Variants in PFKFB3 observed in about 807,000 individuals in gnomAD.
PFKFB3 encodes the protein 6-phosphofructo-2-kinase/fructose-2,6-bisphosphatase 3.
Under a neutral mutation model 68.0 loss-of-function variants are expected in PFKFB3, and 33 were observed. The observed-to-expected ratio is 0.49, with a 90% confidence interval of 0.37 to 0.65. The LOEUF is 0.65. Among genes scored for constraint, PFKFB3 ranks in the 30% least tolerant of loss-of-function variants. The probability of loss-of-function intolerance (pLI) is 0.00; values close to 1 mark genes in which losing one functional copy is unlikely to be tolerated. For synonymous variants in PFKFB3, 315 were observed against 288.2 expected (o/e 1.09, Z -0.94); for missense variants, 586 against 712.2 (o/e 0.82, Z 2.02).
chr10:6,233,483 G>A lies in PFKFB3; in HGVS notation c.*541G>A, dbSNP rs41291287. The A allele has an allele frequency of 6.5e-6, 1 of 152,688 alleles. No individual in the cohort carries two copies. The highest frequency in any genetic ancestry group is 1.5e-5 in the Non-Finnish European group (1 of 68,304). The allele number at this position is 152,688 out of a possible 1,614,324, so 9.5% of individuals were successfully genotyped here. A position where few individuals can be genotyped will look rare whatever the true frequency, so the allele number is the denominator to read the frequency against. On this transcript the variant is annotated 3_prime_UTR_variant, in exon 15 of 15. Transcript: ENST00000379775. ...GAACTTGGACAGGTGTTGGGTTGAG[G>A]CCTCTTCTGCAGGAAGTCCCTGAGC... is the stretch of plus-strand genomic sequence containing the variant.
intron 8 of PFKFB3, 109 bp from the exon 9 acceptor site, chr10:6,221,272 C>T (rs1402449321): frequency 1.9e-5 from 26 of 1,353,730 alleles, no homozygotes; most frequent in Admixed American, 2.3e-5. Context: ...GGGGCCCCCA[C>T]GGTGTAACCA....
chr10:6,150,860 A>G (rs1352378781), intron 1 of PFKFB3, among the ~76,000 whole-genome samples: 1 of 151,972 alleles, frequency 6.6e-6, no homozygotes, highest in African/African-American at 2.4e-5. Flanking sequence ...TTAGCCAGGT[A>G]TGGTGGCGGG....
chr10:6,224,035 C>G lies in PFKFB3; in HGVS notation c.1276+15C>G, dbSNP rs764067144. Reference sequence around the variant, plus strand: ...TGTCGCTTATGGTGAGTAGCAACCCCTGCCAAGCCCTGTCCCCCTGAAGGT... The same window carrying G: ...TGTCGCTTATGGTGAGTAGCAACCCGTGCCAAGCCCTGTCCCCCTGAAGGT... On this transcript the variant is annotated intron_variant, in intron 12 of 14. Transcript: ENST00000379775. 18 of 1,613,920 alleles carry G rather than the reference C, an allele frequency of 1.1e-5. No individual in the cohort carries two copies. In the East Asian group the frequency reaches 3.8e-4, roughly 34 times the overall value.
intron 1 of PFKFB3, among the ~76,000 whole-genome samples, chr10:6,179,716 G>A (rs1202453648): frequency 6.6e-6 from 1 of 152,166 alleles, no homozygotes; most frequent in Non-Finnish European, 1.5e-5. Flanking sequence ...CAAGGCTGCG[G>A]CAGCTCAGAT....
chr10:6,158,910 A>G (rs1841888465), intron 1 of PFKFB3, among the ~76,000 whole-genome samples: 1 of 151,996 alleles, frequency 6.6e-6, no homozygotes, highest in Non-Finnish European at 1.5e-5. Flanking sequence ...AACCAGCAAT[A>G]CCGTTCCTAG....
At chr10:6,269,225 GTT>G in the PFKFB3 span, among the ~76,000 whole-genome samples, 1 of 139,742 alleles carries the variant, frequency 7.2e-6, no homozygotes. Context: ...TTATTTTTAC[GTT>G]TTTTTTTTTT....
intron 1 of PFKFB3, among the ~76,000 whole-genome samples, chr10:6,148,233 C>T (rs565380686): frequency 7.9e-5 from 12 of 152,168 alleles, no homozygotes; most frequent in Non-Finnish European, 1.2e-4. Context: ...GGCTGAACTC[C>T]GCATGGAGAG....
At chr10:6,296,138 C>T in the PFKFB3 span, among the ~76,000 whole-genome samples, 1 of 151,958 alleles carries the variant, frequency 6.6e-6, no homozygotes, top group African/African-American at 2.4e-5. Context: ...GTTTGTTCAG[C>T]TTTTTTTCTT....
At chr10:6,267,720 C>T in the PFKFB3 span, among the ~76,000 whole-genome samples, 2 of 151,792 alleles carry the variant, frequency 1.3e-5, no homozygotes, top group African/African-American at 4.8e-5. Flanking sequence ...TTTGGGAGGC[C>T]GAGGCGGGCG....
intron 14 of PFKFB3, chr10:6,231,623 A>C: frequency 3.1e-6 from 3 of 978,112 alleles, no homozygotes; most frequent in Non-Finnish European, 3.6e-6. Flanking sequence ...TGGAGCCAGC[A>C]GATGCGGAGG....
At chr10:6,290,940 TA>T in the PFKFB3 span, among the ~76,000 whole-genome samples, 7 of 152,248 alleles carry the variant, frequency 4.6e-5, no homozygotes, top group Non-Finnish European at 8.8e-5. Flanking sequence ...TTACTTCAAA[TA>T]TTTTTTTCTG....
At chr10:6,224,368 C>A in intron 13 of PFKFB3, 155 bp downstream of exon 13, 1 of 670,216 alleles carries the variant, frequency 1.5e-6, no homozygotes, top group Non-Finnish European at 2.7e-6. Flanking sequence ...CCTCTTTGTT[C>A]CTGCCTGTCT....
At chr10:6,292,976 G>T in the PFKFB3 span, 2 of 208,598 alleles carry the variant, frequency 9.6e-6, no homozygotes, top group South Asian at 7.2e-5. Context: ...ATGTGAGATG[G>T]AAAGATCCTC....
intron 1 of PFKFB3, among the ~76,000 whole-genome samples, chr10:6,156,716 G>A (rs1486604262): frequency 6.6e-6 from 1 of 151,660 alleles, no homozygotes; most frequent in East Asian, 2.0e-4. Flanking sequence ...TCGAATCCCT[G>A]ACCTCGTGAT....
chr10:6,204,163 C>T (rs938487610), intron 1 of PFKFB3, among the ~76,000 whole-genome samples: 2 of 152,274 alleles, frequency 1.3e-5, no homozygotes, highest in African/African-American at 4.8e-5. Context: ...GAGAGGGTTA[C>T]CTCGAGCTCC....
At chr10:6,270,330 A>G in the PFKFB3 span, among the ~76,000 whole-genome samples, 2 of 152,200 alleles carry the variant, frequency 1.3e-5, no homozygotes, top group South Asian at 4.1e-4. Context: ...TATGAGAAGT[A>G]TAAGTTACCT....
intron 1 of PFKFB3, among the ~76,000 whole-genome samples, chr10:6,151,193 G>A (rs1251636480): frequency 6.6e-6 from 1 of 152,130 alleles, no homozygotes; most frequent in Non-Finnish European, 1.5e-5. Flanking sequence ...GAGTCTTGGT[G>A]GTATCTTGTG....
chr10:6,262,018 A>T, the PFKFB3 span, among the ~76,000 whole-genome samples: 1 of 104,522 alleles, frequency 9.6e-6, no homozygotes, highest in East Asian at 2.3e-4. Context: ...AAAACAAAAA[A>T]CAAAAAAAAA....
intron 1 of PFKFB3, among the ~76,000 whole-genome samples, chr10:6,178,289 G>T (rs1476601196): frequency 6.6e-6 from 1 of 152,172 alleles, no homozygotes; most frequent in Non-Finnish European, 1.5e-5. Flanking sequence ...CCTGACCACT[G>T]TGTGGGGCGC....
Sources: allele counts gnomAD v4.1 joint callset (sites outside exome capture counted in the v4.1 genomes callset), GRCh38; gene constraint gnomAD v4.1.1; transcripts MANE v1.5; gene names NCBI Gene and HGNC (gene_info 2026-07-23, HGNC 2026-07-21).